CRIM1: variants seen among roughly 807,000 people sequenced by gnomAD.
CRIM1 encodes cysteine rich transmembrane BMP regulator 1.
CRIM1 carries 32 observed loss-of-function variants against 116.4 expected under a neutral mutation model. That is an observed-to-expected ratio of 0.27 (90% CI 0.21 to 0.37). CRIM1 has a LOEUF of 0.37. Among genes scored for constraint, CRIM1 ranks in the 10% least tolerant of loss-of-function variants. The pLI, the probability that CRIM1 is intolerant of heterozygous loss-of-function variation, is 1.00. For synonymous variants in CRIM1, 590 were observed against 509.2 expected (o/e 1.16, Z -2.13); for missense variants, 1,331 against 1,354.8 (o/e 0.98, Z 0.28).
At chr2:36,442,807 C>A in intron 4 of CRIM1, 72 bp downstream of exon 4, 2 of 1,576,632 alleles carry the variant, frequency 1.3e-6, no homozygotes, top group Non-Finnish European at 8.7e-7. Context: ...TTTGAGCATG[C>A]AGTTTGTTTT....
chr2:36,367,360 T>C (rs1669667595), intron 1 of CRIM1, among the ~76,000 whole-genome samples: 1 of 152,196 alleles, frequency 6.6e-6, no homozygotes, highest in Non-Finnish European at 1.5e-5. Flanking sequence ...GAAAGGTGAA[T>C]ATTACAGAAT....
intron 13 of CRIM1, among the ~76,000 whole-genome samples, chr2:36,534,131 A>C (rs1443857558): frequency 1.5e-5 from 2 of 129,434 alleles, no homozygotes; most frequent in Non-Finnish European, 3.3e-5. Context: ...AAAGGAGGGA[A>C]GAATGAGGGA....
At chr2:36,530,334 T>A (rs956412987) in intron 13 of CRIM1, among the ~76,000 whole-genome samples, 4 of 152,224 alleles carry the variant, frequency 2.6e-5, no homozygotes, top group African/African-American at 9.6e-5. Flanking sequence ...CATTATTTTC[T>A]CAGATCCCTG....
chr2:36,378,418 T>G (rs1670481201), intron 1 of CRIM1: 1 of 471,066 alleles, frequency 2.1e-6, no homozygotes, highest in African/African-American at 2.0e-5. Flanking sequence ...GAGGAACAAA[T>G]GGTCCCCCAA....
chr2:36,534,060 G>T (rs534695330), intron 13 of CRIM1, among the ~76,000 whole-genome samples: 1 of 143,558 alleles, frequency 7.0e-6, no homozygotes, highest in African/African-American at 2.6e-5. Context: ...GGAGAAGGAA[G>T]GAAGGTGAGG....
intron 2 of CRIM1, among the ~76,000 whole-genome samples, chr2:36,416,379 C>T (rs1286874866): frequency 6.6e-6 from 1 of 152,096 alleles, no homozygotes; most frequent in Non-Finnish European, 1.5e-5. Flanking sequence ...CCATTGCAAG[C>T]TTGTGAGGAG....
At position 36,442,676 on chromosome 2, in the gene CRIM1, G is replaced by A. The variant is rs200502210; in HGVS notation, c.810G>A (p.Pro270=). The A allele has an allele frequency of 1.4e-5, 22 of 1,614,066 alleles. No individual in the cohort carries two copies. Among genetic ancestry groups the A allele is most frequent in the African/African-American group, 8.0e-5 (6 of 75,010 alleles). Residue 270 remains proline (P), a synonymous_variant, in exon 4 of 17, where the codon CCG becomes CCA. Transcript: ENST00000280527. ...CTGTTCAGCAGACCGCGTGTCCCCC[G>A]GACAGCTATGAAACTCAAGTCAGAC... is the stretch of plus-strand genomic sequence containing the variant. ...CPPVQQTACP[P]DSYETQVRLT...
chr2:36,513,063 C>T (rs542495460), intron 10 of CRIM1, among the ~76,000 whole-genome samples: 122 of 152,242 alleles, frequency 8.0e-4, no homozygotes, highest in South Asian at 1.9e-3. Context: ...CTTTGTTTTA[C>T]GATTTTTCAA....
intron 2 of CRIM1, among the ~76,000 whole-genome samples, chr2:36,428,246 A>G (rs528928843): frequency 8.6e-4 from 131 of 152,258 alleles, no homozygotes; most frequent in African/African-American, 3.1e-3. Flanking sequence ...TTCATAGGTA[A>G]ATGACCCTTG....
chr2:36,524,128 T>C (rs1665593358), intron 13 of CRIM1, among the ~76,000 whole-genome samples: 3 of 152,224 alleles, frequency 2.0e-5, no homozygotes, highest in African/African-American at 7.2e-5. Context: ...TTAATAATTC[T>C]GATGGGACAA....
intron 2 of CRIM1, among the ~76,000 whole-genome samples, chr2:36,424,920 A>G (rs1418728066): frequency 6.6e-6 from 1 of 152,198 alleles, no homozygotes; most frequent in Non-Finnish European, 1.5e-5. Context: ...CTTTTGTTAA[A>G]TTATTTCCTC....
intron 1 of CRIM1, among the ~76,000 whole-genome samples, chr2:36,395,605 G>A (rs1267868784): frequency 6.6e-6 from 1 of 152,152 alleles, no homozygotes; most frequent in Non-Finnish European, 1.5e-5. Flanking sequence ...ATTTTTTGGA[G>A]CTGAGTCCCA....
chr2:36,513,507 C>G (rs767732121), intron 10 of CRIM1, 49 bp from the exon 11 acceptor site: 2 of 1,493,364 alleles, frequency 1.3e-6, no homozygotes, highest in Admixed American at 1.7e-5. Context: ...TAGCCTGTTT[C>G]TCCTGTGCAG....
chr2:36,368,439 A>C (rs952546073), intron 1 of CRIM1, among the ~76,000 whole-genome samples: 8 of 152,264 alleles, frequency 5.3e-5, no homozygotes, highest in African/African-American at 1.9e-4. Context: ...CATGTTGTCC[A>C]GCGGCAGGAC....
intron 15 of CRIM1, among the ~76,000 whole-genome samples, chr2:36,544,881 C>T (rs956696203): frequency 1.1e-4 from 16 of 152,088 alleles, no homozygotes; most frequent in African/African-American, 3.6e-4. Flanking sequence ...TTGTAGATTC[C>T]GCACTGAGCA....
At chr2:36,442,465 G>T in intron 3 of CRIM1, 150 bp from the exon 4 acceptor site, 1 of 822,014 alleles carries the variant, frequency 1.2e-6, no homozygotes, top group Non-Finnish European at 2.0e-6. Context: ...CAGTTCTATA[G>T]CATTAACTGG....
At chr2:36,492,037 TTAA>T (rs1572860536) in intron 7 of CRIM1, among the ~76,000 whole-genome samples, 1 of 152,196 alleles carries the variant, frequency 6.6e-6, no homozygotes, top group Admixed American at 6.5e-5. Context: ...TTGTGGTCTT[TTAA>T]TAATCTCAAT....
intron 12 of CRIM1, among the ~76,000 whole-genome samples, chr2:36,517,956 T>C (rs960172431): frequency 1.3e-4 from 20 of 152,190 alleles, no homozygotes; most frequent in Non-Finnish European, 2.5e-4. Flanking sequence ...TCTTTGTAAA[T>C]AAAATTCTTT....
intron 4 of CRIM1, among the ~76,000 whole-genome samples, chr2:36,443,684 G>A (rs765290739): frequency 3.3e-5 from 5 of 152,198 alleles, no homozygotes; most frequent in African/African-American, 7.2e-5. Flanking sequence ...TTATGCAAAT[G>A]GTTGGATAAG....
Sources: allele counts gnomAD v4.1 joint callset (sites outside exome capture counted in the v4.1 genomes callset), GRCh38; gene constraint gnomAD v4.1.1; transcripts MANE v1.5; gene names NCBI Gene and HGNC (gene_info 2026-07-23, HGNC 2026-07-21).